SYCE2: variants seen among roughly 807,000 people sequenced by gnomAD.
SYCE2 encodes synaptonemal complex central element protein 2.
In SYCE2, 3 loss-of-function variants were observed where a neutral mutation model predicts 27.9. The observed-to-expected ratio is 0.11, with a 90% CI of 0.05 to 0.28. The LOEUF is 0.28. SYCE2 is among the 10% of genes least tolerant of loss of function. SYCE2 has a pLI of 1.00. For synonymous variants in SYCE2, 85 were observed against 100.7 expected (o/e 0.84, Z 0.93); for missense variants, 207 against 263.5 (o/e 0.79, Z 1.48).
chr19:12,901,169 AAAATAAATAAATAAATAAAT>A lies in SYCE2; in HGVS notation c.307-541_307-522del, dbSNP rs368396066. On this transcript the variant is annotated intron_variant, in intron 3 of 5. Transcript: ENST00000293695. Reference sequence around the variant, plus strand: ...GGGCTACAGAGCAAGACTCCATCTCAAAATAAATAAATAAATAAATAAATAAATAAATAAATAAATACACA... The same window carrying A: ...GGGCTACAGAGCAAGACTCCATCTCAAAATAAATAAATAAATAAATACACA... 7.2e-3 allele frequency among the ~76,000 whole-genome samples: 1,012 copies of A among 140,830 alleles called. 7 individuals are homozygous for A. The highest frequency in any genetic ancestry group is 0.026 in the African/African-American group (965 of 37,314). 92.4% of individuals were successfully genotyped at this position (140,830 alleles called of 152,430 possible). A position where few individuals can be genotyped will look rare whatever the true frequency, so the allele number is the denominator to read the frequency against.
chr19:12,913,306 C>A (rs1380072661), intron 2 of SYCE2, among the ~76,000 whole-genome samples: 1 of 152,194 alleles, frequency 6.6e-6, no homozygotes, highest in Non-Finnish European at 1.5e-5. Context: ...GCGAAGAGAC[C>A]ATCTGTTCGC....
intron 2 of SYCE2, among the ~76,000 whole-genome samples, chr19:12,917,860 T>C (rs1047468648): frequency 1.3e-5 from 2 of 152,056 alleles, no homozygotes; most frequent in East Asian, 1.9e-4. Context: ...GGTTTCTCCA[T>C]GTTTGTCAGG....
intron 5 of SYCE2, 82 bp downstream of exon 5, chr19:12,899,922 G>A: frequency 2.5e-6 from 4 of 1,611,328 alleles, no homozygotes; most frequent in Non-Finnish European, 3.4e-6. Flanking sequence ...CTTATGCTGG[G>A]TGTTGGAGCA....
chr19:12,919,230 A>T lies in SYCE2; in HGVS notation c.15+13T>A, dbSNP rs768619130. 1.2e-6 allele frequency: 2 copies of T among 1,611,164 alleles called. No individual in the cohort carries two copies. Among genetic ancestry groups the T allele is most frequent in the Admixed American group, 3.3e-5 (2 of 60,020 alleles). ...CCCGCCCCACGCGCGAGAAGGAAAC[A>T]AGCGCCGCGTACTCCCTGTCGCTCC... On this transcript the variant is annotated intron_variant, in intron 1 of 5. Coordinates refer to ENST00000293695, the MANE Select transcript of SYCE2 (RefSeq NM_001105578.2).
chr19:12,904,871 G>A, intron 2 of SYCE2: 1 of 473,750 alleles, frequency 2.1e-6, no homozygotes, highest in Non-Finnish European at 3.8e-6. Context: ...CAGGCACGGT[G>A]GCACGTGCCT....
At chr19:12,918,015 C>T (rs770610246) in intron 2 of SYCE2, among the ~76,000 whole-genome samples, 6 of 151,944 alleles carry the variant, frequency 3.9e-5, no homozygotes, top group Non-Finnish European at 5.9e-5. Flanking sequence ...CCAGCCATTT[C>T]GGAGGCTGAG....
chr19:12,899,147 C>T lies in SYCE2; in HGVS notation c.*194G>A, dbSNP rs756872756. 21 of 601,080 alleles carry T rather than the reference C, an allele frequency of 3.5e-5. No individual in the cohort carries two copies. The highest frequency in any genetic ancestry group is 1.0e-4 in the South Asian group (5 of 49,610). 37.2% of individuals were successfully genotyped at this position (601,080 alleles called of 1,614,324 possible). On this transcript the variant is annotated 3_prime_UTR_variant, in exon 6 of 6. Transcript: ENST00000293695. Reference sequence around the variant, plus strand: ...GAGAACTTGCCAAGGGTGGGGAGCACGAAGCCTGGGCCTATGGCAGGGGCT... The same window carrying T: ...GAGAACTTGCCAAGGGTGGGGAGCATGAAGCCTGGGCCTATGGCAGGGGCT...
At chr19:12,912,702 A>C (rs898362620) in intron 2 of SYCE2, among the ~76,000 whole-genome samples, 3 of 152,034 alleles carry the variant, frequency 2.0e-5, no homozygotes, top group Non-Finnish European at 4.4e-5. Flanking sequence ...TGAGCTGCTA[A>C]TGGTTCAGAG....
At chr19:12,913,813 C>T (rs887134877) in intron 2 of SYCE2, among the ~76,000 whole-genome samples, 1 of 152,168 alleles carries the variant, frequency 6.6e-6, no homozygotes, top group Non-Finnish European at 1.5e-5. Flanking sequence ...TATTAGCAAA[C>T]AAACGACTTC....
chr19:12,915,536 A>T (rs1203975142), intron 2 of SYCE2, among the ~76,000 whole-genome samples: 3 of 139,796 alleles, frequency 2.1e-5, no homozygotes, highest in African/African-American at 8.0e-5. Context: ...TGGGAGGGGG[A>T]GGTTGCAGTG....
intron 2 of SYCE2, among the ~76,000 whole-genome samples, chr19:12,910,124 C>CA (rs1200951483): frequency 6.6e-6 from 1 of 152,102 alleles, no homozygotes; most frequent in Non-Finnish European, 1.5e-5. Flanking sequence ...CTCAGCCTCC[C>CA]AAAGTGCTGG....
rs530747710 is a variant in SYCE2, at chr19:12,900,446, G to A, written c.495+14C>T. The stretch of plus-strand genomic sequence containing the variant: ...CTTCCTCAGGCAGCGCCCCCCCTGT[G>A]AGTTTACTCATACCTCAGGCTGGAG... On this transcript the variant is annotated intron_variant, in intron 4 of 5. Transcript: ENST00000293695. 6.4e-5 allele frequency: 103 copies of A among 1,610,512 alleles called. No homozygotes were observed. The highest frequency in any genetic ancestry group is 8.4e-5 in the Non-Finnish European group (99 of 1,178,272).
intron 2 of SYCE2, among the ~76,000 whole-genome samples, chr19:12,917,721 G>A (rs374867573): frequency 7.6e-6 from 1 of 132,270 alleles, no homozygotes; most frequent in Non-Finnish European, 1.6e-5. Flanking sequence ...GTGCAATGGC[G>A]CCATCTCAGC....
At chr19:12,903,609 TCTC>T (rs1459641477) in intron 3 of SYCE2, among the ~76,000 whole-genome samples, 1 of 151,236 alleles carries the variant, frequency 6.6e-6, no homozygotes, top group Non-Finnish European at 1.5e-5. Flanking sequence ...ATGGTCTCCA[TCTC>T]CTGACCTTGT....
At chr19:12,909,408 G>A (rs961423307) in intron 2 of SYCE2, among the ~76,000 whole-genome samples, 6 of 152,142 alleles carry the variant, frequency 3.9e-5, no homozygotes, top group South Asian at 4.2e-4. Flanking sequence ...CAGGCAACCC[G>A]ATTTCATCTT....
intron 2 of SYCE2, among the ~76,000 whole-genome samples, 166 bp downstream of exon 2, chr19:12,918,056 A>C (rs1199443364): frequency 6.6e-6 from 1 of 151,564 alleles, no homozygotes; most frequent in Non-Finnish European, 1.5e-5. Context: ...TGGGAGGTGG[A>C]GGTTGCAGTG....
chr19:12,917,906 G>A (rs1474597246), intron 2 of SYCE2, among the ~76,000 whole-genome samples: 1 of 151,802 alleles, frequency 6.6e-6, no homozygotes, highest in African/African-American at 2.4e-5. Flanking sequence ...TGATCCACCC[G>A]CCTTGGCCTC....
intron 2 of SYCE2, among the ~76,000 whole-genome samples, chr19:12,912,822 T>A (rs2145978935): frequency 6.6e-6 from 1 of 152,268 alleles, no homozygotes; most frequent in African/African-American, 2.4e-5. Context: ...TCGAGTTTCA[T>A]GGTAGGACAA....
intron 1 of SYCE2, 105 bp downstream of exon 1, chr19:12,919,138 A>G: frequency 6.7e-7 from 1 of 1,497,366 alleles, no homozygotes; most frequent in African/African-American, 1.4e-5. Context: ...ATGGCAAAGG[A>G]CAAGCGGCCG....
Sources: allele counts gnomAD v4.1 joint callset (sites outside exome capture counted in the v4.1 genomes callset), GRCh38; gene constraint gnomAD v4.1.1; transcripts MANE v1.5; gene names NCBI Gene and HGNC (gene_info 2026-07-23, HGNC 2026-07-21).